SEMA6D: variants seen among roughly 807,000 people sequenced by gnomAD.
The protein encoded by SEMA6D is semaphorin-6D.
A neutral mutation model predicts 106.6 loss-of-function variants in SEMA6D; 35 were observed. The ratio of observed to expected loss-of-function variants is 0.33; its 90% CI spans 0.25 to 0.44. The LOEUF (loss-of-function observed/expected upper bound fraction) is 0.44, where lower values mean the gene tolerates loss of function less well. SEMA6D is among the 20% of genes least tolerant of loss of function. The pLI is 1.00. For synonymous variants in SEMA6D, 499 were observed against 487.7 expected, an observed-to-expected ratio of 1.02 and a Z score of -0.31; for missense variants, 1,185 against 1,345.9, an observed-to-expected ratio of 0.88 and a Z score of 1.87.
chr15:47,380,953 A>G (rs1348667039), intron 1 of SEMA6D, among the ~76,000 whole-genome samples: 1 of 152,368 alleles, frequency 6.6e-6, no homozygotes, highest in African/African-American at 2.4e-5. Context: ...TCCAGTCTCT[A>G]GTGATGATAA....
At chr15:47,679,827 C>T (rs2078315731) in intron 4 of SEMA6D, among the ~76,000 whole-genome samples, 1 of 152,142 alleles carries the variant, frequency 6.6e-6, no homozygotes, top group Admixed American at 6.5e-5. Context: ...GGTCCCCATG[C>T]CAATCCTGGT....
intron 1 of SEMA6D, among the ~76,000 whole-genome samples, chr15:47,368,513 C>G (rs1403973981): frequency 1.3e-5 from 2 of 151,990 alleles, no homozygotes; most frequent in African/African-American, 4.8e-5. Flanking sequence ...CTCTGTCGCC[C>G]AGGCTGGAGT....
At position 47,195,954 on chromosome 15, in the gene SEMA6D, A is replaced by T. The variant is rs529324033; in HGVS notation, c.-239+11536A>T. 8.8e-4 allele frequency among the ~76,000 whole-genome samples: 134 copies of T among 151,772 alleles called. 1 individual carries two copies. Among genetic ancestry groups the T allele is most frequent in the Non-Finnish European group, 1.4e-3 (94 of 67,944 alleles). ...CAGAGAAAGCAAGGCCCCCCAGGCC[A>T]CCTGCCTTCACCCACCACCACTGGC... On this transcript the variant is annotated intron_variant, in intron 1 of 19. Transcript: ENST00000558014.
chr15:47,348,727 C>CACACAGAGAGAGAGAGAG (rs1450109233), intron 1 of SEMA6D, among the ~76,000 whole-genome samples: 1 of 57,054 alleles, frequency 1.8e-5, no homozygotes, highest in Admixed American at 2.4e-4. Context: ...ACCACACACA[C>CACACAGAGAGAGAGAGAG]AGAGAGAGAG....
At chr15:47,225,448 A>G (rs1311297440) in intron 1 of SEMA6D, among the ~76,000 whole-genome samples, 1 of 144,264 alleles carries the variant, frequency 6.9e-6, no homozygotes, top group Non-Finnish European at 1.5e-5. Flanking sequence ...CCATCCATAT[A>G]TCATTCTTGG....
rs1331379876 is a variant in SEMA6D at position 47,760,339 on chromosome 15, T to G, written c.145T>G (p.Ser49Ala). The change falls in exon 3 of 19, where the codon TCA becomes GCA. Residue 49 changes from serine to alanine, a missense_variant. Ser to Ala is a moderately conservative substitution (Grantham distance 99, BLOSUM62 1). Transcript: ENST00000536845. The part of the protein sequence containing the change: ...RQYPVFRGRP[S>A]GNESQHRLDF... ...ATATCCGGTTTTTAGAGGACGCCCTTCAGGCAATGAATCGCAGCACAGGCT... is the reference window on the plus strand; with the variant it reads ...ATATCCGGTTTTTAGAGGACGCCCTGCAGGCAATGAATCGCAGCACAGGCT... The G allele has an allele frequency of 3.1e-6, 5 of 1,613,600 alleles. No homozygotes were observed. The highest frequency in any genetic ancestry group is 3.4e-6 in the Non-Finnish European group (4 of 1,179,706).
intron 3 of SEMA6D, among the ~76,000 whole-genome samples, chr15:47,506,599 A>ACACACAC (rs1555382656): frequency 0.018 from 2,472 of 137,852 alleles, 47 homozygotes; most frequent in Admixed American, 0.04. Flanking sequence ...CACACACACA[A>ACACACAC]ACACACACAC....
intron 3 of SEMA6D, among the ~76,000 whole-genome samples, chr15:47,548,820 G>C (rs1431002082): frequency 6.6e-6 from 1 of 152,078 alleles, no homozygotes; most frequent in African/African-American, 2.4e-5. Context: ...ATAATAATGT[G>C]TTTGTTGTAA....
At position 47,202,620 on chromosome 15, in the gene SEMA6D, C is replaced by G. The variant is rs146920445; in HGVS notation, c.-239+18202C>G. Among the ~76,000 whole-genome samples, 971 of 152,300 alleles carry G rather than the reference C, an allele frequency of 6.4e-3. 13 individuals carry two copies. The highest frequency in any genetic ancestry group is 0.022 in the African/African-American group (924 of 41,564). Reference sequence around the variant, plus strand: ...AAAACCCCAAGTCAAACGGTCAAACCATGCACTTGATCTCTCAAGTCACCT... The same window carrying G: ...AAAACCCCAAGTCAAACGGTCAAACGATGCACTTGATCTCTCAAGTCACCT... On this transcript the variant is annotated intron_variant, in intron 1 of 19. Transcript: ENST00000558014.
intron 3 of SEMA6D, among the ~76,000 whole-genome samples, chr15:47,540,850 A>G (rs375256377): frequency 3.9e-5 from 6 of 152,184 alleles, no homozygotes; most frequent in African/African-American, 1.4e-4. Context: ...CAGAGTGGGG[A>G]GCACATTTCA....
intron 4 of SEMA6D, among the ~76,000 whole-genome samples, chr15:47,621,185 A>G (rs994251173): frequency 1.3e-5 from 2 of 152,152 alleles, no homozygotes; most frequent in Non-Finnish European, 2.9e-5. Context: ...ATGCATGCTC[A>G]AGCACCCACT....
chr15:47,314,889 G>A (rs1386361489), intron 1 of SEMA6D, among the ~76,000 whole-genome samples: 8 of 106,214 alleles, frequency 7.5e-5, no homozygotes, highest in East Asian at 2.8e-4. Context: ...TTTTTGAGAC[G>A]GAGTCTCGCT....
intron 3 of SEMA6D, among the ~76,000 whole-genome samples, chr15:47,595,028 G>A (rs2076508840): frequency 6.6e-6 from 1 of 152,138 alleles, no homozygotes; most frequent in African/African-American, 2.4e-5. Context: ...GAGATATCCA[G>A]GTGAGGGGCT....
At position 47,614,781 on chromosome 15, in the gene SEMA6D, A is replaced by G. The variant is rs182734893; in HGVS notation, c.-55+13885A>G. 7.2e-3 allele frequency among the ~76,000 whole-genome samples: 1,096 copies of G among 152,324 alleles called. 5 individuals carry two copies. The highest frequency in any genetic ancestry group is 0.013 in the Non-Finnish European group (874 of 68,016). On this transcript the variant is annotated intron_variant, in intron 4 of 19. Transcript: ENST00000558014. ...AGGAGTCAGACCCTTCTGGGCTTGA[A>G]TTTAGACTCTGCCACTTAGCATGTG... is the stretch of plus-strand genomic sequence containing the variant.
chr15:47,322,549 C>T (rs966934945), intron 1 of SEMA6D, among the ~76,000 whole-genome samples: 11 of 152,042 alleles, frequency 7.2e-5, no homozygotes, highest in South Asian at 2.1e-4. Context: ...GTCTTCTCAG[C>T]GAATCATATC....
intron 1 of SEMA6D, among the ~76,000 whole-genome samples, chr15:47,721,669 A>G (rs186050772): frequency 1.2e-4 from 18 of 152,320 alleles, no homozygotes; most frequent in African/African-American, 4.3e-4. Context: ...CAACAGGAAA[A>G]CTACTAGACG....
intron 1 of SEMA6D, among the ~76,000 whole-genome samples, chr15:47,265,115 A>G (rs1424283754): frequency 2.6e-5 from 4 of 152,012 alleles, no homozygotes; most frequent in Non-Finnish European, 5.9e-5. Flanking sequence ...TCAGAGTGAC[A>G]CAGGCCTAAA....
chr15:47,494,500 C>A (rs1480581965), intron 3 of SEMA6D, among the ~76,000 whole-genome samples: 1 of 151,546 alleles, frequency 6.6e-6, no homozygotes, highest in African/African-American at 2.4e-5. Context: ...TACTGAAATT[C>A]AGGCTTTAAA....
intron 1 of SEMA6D, among the ~76,000 whole-genome samples, chr15:47,371,146 T>C (rs2039259119): frequency 6.6e-6 from 1 of 152,232 alleles, no homozygotes; most frequent in Non-Finnish European, 1.5e-5. Flanking sequence ...GGCCACAGTT[T>C]ATGAAAAGCC....
Sources: gnomAD v4.1 joint callset for allele counts (sites outside exome capture counted in the v4.1 genomes callset) on GRCh38, gnomAD v4.1.1 for gene constraint, MANE v1.5 for transcripts, NCBI Gene and HGNC (gene_info 2026-07-23, HGNC 2026-07-21) for gene names.